Variants in NRXN1 observed in about 807,000 individuals in gnomAD.
NRXN1 encodes neurexin 1, also known as neurexin-1.
NRXN1 carries 39 observed loss-of-function variants against 150.9 expected under a neutral mutation model. That is an observed-to-expected ratio of 0.26 (90% CI 0.20 to 0.34). The LOEUF is 0.34. NRXN1 is among the 10% of genes least tolerant of loss of function. The probability of loss-of-function intolerance (pLI) is 1.00; values close to 1 mark genes in which losing one functional copy is unlikely to be tolerated. For missense variants in NRXN1, 1,815 were observed against 1,949.9 expected (o/e 0.93, Z 1.30); for synonymous variants, 924 against 757.0 (o/e 1.22, Z -3.62).
chr2:50,227,260 G>T (rs139907515), intron 18 of NRXN1, among the ~76,000 whole-genome samples: 51 of 151,782 alleles, frequency 3.4e-4, no homozygotes, highest in East Asian at 1.2e-3. Context: ...CTAAGTGTCC[G>T]TGTCTATAAT....
intron 5 of NRXN1, among the ~76,000 whole-genome samples, chr2:50,856,355 A>G (rs891992551): frequency 6.6e-6 from 1 of 152,054 alleles, no homozygotes; most frequent in African/African-American, 2.4e-5. Flanking sequence ...AGCAAGAGAA[A>G]GTCTAAGGAG....
intron 5 of NRXN1, among the ~76,000 whole-genome samples, chr2:50,797,657 G>A (rs894363384): frequency 1.3e-5 from 2 of 152,066 alleles, no homozygotes; most frequent in African/African-American, 4.8e-5. Flanking sequence ...CATAACCAGG[G>A]TTTAGAAATT....
At chr2:50,065,597 G>T (rs1390360685) in intron 19 of NRXN1, among the ~76,000 whole-genome samples, 1 of 152,148 alleles carries the variant, frequency 6.6e-6, no homozygotes, top group Non-Finnish European at 1.5e-5. Flanking sequence ...TATAGATTAA[G>T]ACAGTGAAGC....
intron 19 of NRXN1, among the ~76,000 whole-genome samples, chr2:50,066,333 G>A (rs1054916423): frequency 6.6e-6 from 1 of 152,114 alleles, no homozygotes; most frequent in Non-Finnish European, 1.5e-5. Context: ...AAAAATAAAA[G>A]ATTTAAGTAA....
intron 21 of NRXN1, among the ~76,000 whole-genome samples, chr2:49,959,640 T>C (rs757609138): frequency 9.2e-5 from 14 of 152,206 alleles, no homozygotes; most frequent in Non-Finnish European, 1.8e-4. Context: ...TTATTTAACC[T>C]CTCATTTGTA....
At chr2:50,553,752 C>T (rs932431352) in intron 8 of NRXN1, among the ~76,000 whole-genome samples, 8 of 152,182 alleles carry the variant, frequency 5.3e-5, no homozygotes, top group African/African-American at 1.2e-4. Flanking sequence ...ACAAATGCTG[C>T]GCAAGGGTTG....
intron 17 of NRXN1, among the ~76,000 whole-genome samples, chr2:50,361,813 C>T (rs1335336654): frequency 2.6e-5 from 4 of 152,118 alleles, no homozygotes; most frequent in African/African-American, 4.8e-5. Flanking sequence ...AAATTTCAGG[C>T]CAATATCCCT....
intron 18 of NRXN1, among the ~76,000 whole-genome samples, chr2:50,159,950 T>C (rs1001996350): frequency 6.6e-6 from 1 of 152,190 alleles, no homozygotes; most frequent in Non-Finnish European, 1.5e-5. Flanking sequence ...CTTTATTTTA[T>C]AGCCCATATA....
At chr2:50,345,802 C>A (rs1446092694) in intron 17 of NRXN1, among the ~76,000 whole-genome samples, 3 of 152,192 alleles carry the variant, frequency 2.0e-5, no homozygotes, top group African/African-American at 7.2e-5. Context: ...TCCAGGCAGA[C>A]CTCCGGGCTT....
chr2:50,166,671 C>T (rs2059708319), intron 18 of NRXN1, among the ~76,000 whole-genome samples: 1 of 152,038 alleles, frequency 6.6e-6, no homozygotes, highest in South Asian at 2.1e-4. Context: ...GATGCTAAAA[C>T]CTATTTATTA....
intron 2 of NRXN1, among the ~76,000 whole-genome samples, chr2:50,991,699 T>C (rs1040909801): frequency 1.3e-5 from 2 of 152,012 alleles, no homozygotes; most frequent in African/African-American, 2.4e-5. Flanking sequence ...TGACATCATG[T>C]ACTAAATTTC....
intron 8 of NRXN1, among the ~76,000 whole-genome samples, chr2:50,607,782 G>T: frequency 6.6e-6 from 1 of 150,658 alleles, no homozygotes; most frequent in African/African-American, 2.4e-5. Flanking sequence ...GTTTTGAATT[G>T]ATATTAAAAC....
intron 9 of NRXN1, among the ~76,000 whole-genome samples, chr2:50,545,796 G>C (rs572212365): frequency 2.0e-5 from 3 of 152,162 alleles, no homozygotes; most frequent in African/African-American, 7.2e-5. Context: ...GGATCTCCTG[G>C]AGACACCAAA....
At chr2:50,653,394 T>A (rs555988852) in intron 5 of NRXN1, among the ~76,000 whole-genome samples, 1 of 152,110 alleles carries the variant, frequency 6.6e-6, no homozygotes, top group East Asian at 1.9e-4. Context: ...CAGCTTTCAG[T>A]CTCTTAATGG....
At chr2:50,278,264 T>TTATATATATATATTA (rs373512653) in intron 17 of NRXN1, among the ~76,000 whole-genome samples, 1 of 66,246 alleles carries the variant, frequency 1.5e-5, no homozygotes, top group African/African-American at 5.7e-5. Flanking sequence ...ATTATATATA[T>TTATATATATATATTA]TATATATGTA....
intron 2 of NRXN1, among the ~76,000 whole-genome samples, chr2:50,931,045 C>A (rs146278484): frequency 1.6e-4 from 24 of 152,220 alleles, no homozygotes; most frequent in African/African-American, 4.8e-4. Flanking sequence ...GTTTTGACTT[C>A]TTTGTTAACA....
intron 18 of NRXN1, among the ~76,000 whole-genome samples, chr2:50,139,881 G>C (rs969842455): frequency 1.3e-5 from 2 of 151,636 alleles, no homozygotes; most frequent in African/African-American, 4.8e-5. Flanking sequence ...AATATATGTG[G>C]GAGCTGAAAA....
At chr2:50,667,710 C>T (rs1688273975) in intron 5 of NRXN1, among the ~76,000 whole-genome samples, 1 of 151,950 alleles carries the variant, frequency 6.6e-6, no homozygotes, top group Non-Finnish European at 1.5e-5. Context: ...CCTTCTTTAA[C>T]ATACTGTATC....
chr2:50,213,723 C>A (rs1407058065), intron 18 of NRXN1, among the ~76,000 whole-genome samples: 2 of 151,718 alleles, frequency 1.3e-5, no homozygotes, highest in Non-Finnish European at 2.9e-5. Flanking sequence ...CTTGTTTGGA[C>A]TCCTAACCAA....
Sources: gnomAD v4.1 joint callset for allele counts (sites outside exome capture counted in the v4.1 genomes callset) on GRCh38, gnomAD v4.1.1 for gene constraint, MANE v1.5 for transcripts, NCBI Gene and HGNC (gene_info 2026-07-23, HGNC 2026-07-21) for gene names.